LRRC4C: variants seen among roughly 807,000 people sequenced by gnomAD.
LRRC4C encodes the protein leucine rich repeat containing 4C, also known as leucine-rich repeat-containing protein 4C.
LRRC4C carries 5 observed loss-of-function variants against 33.6 expected under a neutral mutation model. The observed-to-expected ratio is 0.15, with a 90% CI of 0.08 to 0.31. The LOEUF (loss-of-function observed/expected upper bound fraction) is 0.31. Among genes scored for constraint, LRRC4C ranks in the 10% least tolerant of loss-of-function variants. LRRC4C has a pLI of 1.00. For missense variants in LRRC4C, 560 were observed against 796.7 expected (o/e 0.70, Z 3.58); for synonymous variants, 329 against 302.0 (o/e 1.09, Z -0.93).
At chr11:40,571,759 T>A (rs1957992592) in intron 3 of LRRC4C, among the ~76,000 whole-genome samples, 1 of 152,206 alleles carries the variant, frequency 6.6e-6, no homozygotes. Flanking sequence ...AACATCTCAA[T>A]TTGAAGCCTT....
At chr11:40,874,844 T>C (rs1049007765) in intron 2 of LRRC4C, among the ~76,000 whole-genome samples, 16 of 152,318 alleles carry the variant, frequency 1.1e-4, no homozygotes, top group African/African-American at 3.6e-4. Flanking sequence ...GCTAGCAGTC[T>C]GGAGGGAAGA....
chr11:40,965,236 T>A (rs758981760), intron 1 of LRRC4C, among the ~76,000 whole-genome samples: 7 of 152,134 alleles, frequency 4.6e-5, no homozygotes, highest in African/African-American at 1.7e-4. Flanking sequence ...TCTTGTAAAT[T>A]TGTTTGAGTT....
Position 40,628,529 on chromosome 11 carries a change from G to C in LRRC4C, c.-270+19613C>G, listed in dbSNP as rs116727366. 4.3e-3 allele frequency among the ~76,000 whole-genome samples: 650 copies of C among 152,132 alleles called. 6 individuals carry two copies. Among genetic ancestry groups the C allele is most frequent in the African/African-American group, 0.015 (619 of 41,534 alleles). On this transcript the variant is annotated intron_variant, in intron 3 of 6. Transcript: ENST00000528697. ...ACAAAACCTAATTCATCATCTTTTA[G>C]AGTATGAGACTCAGGGGAAAATAGC...
chr11:40,228,060 G>A (rs566185124), intron 5 of LRRC4C, among the ~76,000 whole-genome samples: 1 of 152,306 alleles, frequency 6.6e-6, no homozygotes, highest in South Asian at 2.1e-4. Flanking sequence ...ATGTCCTTCA[G>A]ACTCCAGGGT....
chr11:41,191,752 C>G (rs2136214076), intron 1 of LRRC4C, among the ~76,000 whole-genome samples: 1 of 152,254 alleles, frequency 6.6e-6, no homozygotes, highest in South Asian at 2.1e-4. Flanking sequence ...CAGAGCAGTT[C>G]TACTTTTGTC....
At chr11:40,750,623 G>A (rs1041484127) in intron 2 of LRRC4C, among the ~76,000 whole-genome samples, 2 of 136,004 alleles carry the variant, frequency 1.5e-5, no homozygotes, top group African/African-American at 2.8e-5. Flanking sequence ...ATGGACACAG[G>A]AAGAGGAACA....
At chr11:41,179,198 T>A (rs1472751682) in intron 1 of LRRC4C, among the ~76,000 whole-genome samples, 1 of 151,992 alleles carries the variant, frequency 6.6e-6, no homozygotes, top group Non-Finnish European at 1.5e-5. Flanking sequence ...TTTTTTTTTT[T>A]TTTAAGATAT....
rs376207919 is a variant in LRRC4C, at chr11:40,376,745, G to GTT, written c.-269-57025_-269-57024insAA. Among the ~76,000 whole-genome samples, 9 of 146,678 alleles carry GTT rather than the reference G, an allele frequency of 6.1e-5. No individual in the cohort carries two copies. In the South Asian group the frequency reaches 1.3e-3, roughly 21 times the overall value. On this transcript the variant is annotated intron_variant, in intron 3 of 6. Coordinates refer to ENST00000528697, the MANE Select transcript of LRRC4C (RefSeq NM_001258419.2). Reference sequence around the variant, plus strand: ...TATGTGTGTGTGTGTGTGTGTGTGTGTATGTGTATGTGTATCTGGAGTGGG... The same window carrying GTT: ...TATGTGTGTGTGTGTGTGTGTGTGTGTTTATGTGTATGTGTATCTGGAGTGGG...
At chr11:41,199,495 C>T (rs546139227) in intron 1 of LRRC4C, among the ~76,000 whole-genome samples, 1 of 151,994 alleles carries the variant, frequency 6.6e-6, no homozygotes, top group Non-Finnish European at 1.5e-5. Flanking sequence ...CAATACTTTA[C>T]CCAAGAATAC....
rs529723661 is a variant in LRRC4C at position 41,423,479 on chromosome 11, G to A, written c.-496+35952C>T. ...TCTGGTTGAACATATAAAGCACATT[G>A]TAAAAGCCACTCTTTGTGGATGATG... On this transcript the variant is annotated intron_variant, in intron 1 of 6. Transcript: ENST00000528697. Among the ~76,000 whole-genome samples, 4 of 152,188 alleles carry A rather than the reference G, an allele frequency of 2.6e-5. No homozygotes were observed. In the South Asian group the frequency reaches 6.2e-4, roughly 24 times the overall value.
chr11:40,780,510 G>A (rs570287365), intron 2 of LRRC4C, among the ~76,000 whole-genome samples: 5 of 152,220 alleles, frequency 3.3e-5, no homozygotes, highest in South Asian at 2.1e-4. Flanking sequence ...TTCAGAGAAT[G>A]AGAGCTATTT....
At chr11:40,310,828 A>T (rs920426919) in intron 4 of LRRC4C, among the ~76,000 whole-genome samples, 1 of 152,236 alleles carries the variant, frequency 6.6e-6, no homozygotes, top group Non-Finnish European at 1.5e-5. Flanking sequence ...AAGCATAATA[A>T]CTATATATTA....
chr11:40,304,014 A>T (rs1207180680), intron 4 of LRRC4C, among the ~76,000 whole-genome samples: 3 of 152,222 alleles, frequency 2.0e-5, no homozygotes, highest in African/African-American at 7.2e-5. Context: ...AATTGATGAC[A>T]TCTTACAAAC....
intron 3 of LRRC4C, among the ~76,000 whole-genome samples, chr11:40,577,578 TA>T (rs1012545848): frequency 6.6e-6 from 1 of 152,176 alleles, no homozygotes; most frequent in Non-Finnish European, 1.5e-5. Flanking sequence ...GAGATTTGGC[TA>T]TGTCTGGAGA....
chr11:40,537,372 ATTC>A (rs1300869023), intron 3 of LRRC4C, among the ~76,000 whole-genome samples: 1 of 152,174 alleles, frequency 6.6e-6, no homozygotes, highest in Non-Finnish European at 1.5e-5. Flanking sequence ...GAGGCTGGGT[ATTC>A]TTGTCCAGAA....
chr11:41,397,068 A>T (rs1267601096), intron 1 of LRRC4C, among the ~76,000 whole-genome samples: 1 of 152,038 alleles, frequency 6.6e-6, no homozygotes. Flanking sequence ...TATTGGGATC[A>T]TAGAGACAAA....
chr11:40,164,967 G>A (rs1168298874), intron 5 of LRRC4C, among the ~76,000 whole-genome samples: 3 of 152,130 alleles, frequency 2.0e-5, no homozygotes, highest in Non-Finnish European at 2.9e-5. Flanking sequence ...CCAAATTGAA[G>A]TATAATTGCT....
chr11:41,026,920 T>C (rs1484648510), intron 1 of LRRC4C, among the ~76,000 whole-genome samples: 1 of 151,772 alleles, frequency 6.6e-6, no homozygotes, highest in Non-Finnish European at 1.5e-5. Flanking sequence ...CAAAAATTTC[T>C]TTTGCAACTG....
At chr11:40,925,113 C>A (rs1483742182) in intron 2 of LRRC4C, among the ~76,000 whole-genome samples, 1 of 143,658 alleles carries the variant, frequency 7.0e-6, no homozygotes, top group Non-Finnish European at 1.6e-5. Flanking sequence ...GAGGAGCCAT[C>A]CCCAAATATT....
Sources: gnomAD v4.1 joint callset for allele counts (sites outside exome capture counted in the v4.1 genomes callset) on GRCh38, gnomAD v4.1.1 for gene constraint, MANE v1.5 for transcripts, NCBI Gene and HGNC (gene_info 2026-07-23, HGNC 2026-07-21) for gene names.